The following ARHGEF4 variants were observed in gnomAD, a reference collection of about 807,000 sequenced individuals.
ARHGEF4 encodes the protein Rho guanine nucleotide exchange factor 4.
A neutral mutation model predicts 162.0 loss-of-function variants in ARHGEF4; 119 were observed. That is an observed-to-expected ratio of 0.73 (90% confidence interval 0.63 to 0.86). The LOEUF is 0.86. Ranked by LOEUF, ARHGEF4 falls within the 40% of genes least tolerant of loss-of-function variation. ARHGEF4 has a pLI of 0.00. For synonymous variants in ARHGEF4, 1,014 were observed against 979.9 expected (o/e 1.03, Z -0.65); for missense variants, 2,488 against 2,456.0 (o/e 1.01, Z -0.28).
intron 1 of ARHGEF4, among the ~76,000 whole-genome samples, chr2:130,842,657 G>A (rs1178168090): frequency 3.3e-5 from 5 of 152,222 alleles, no homozygotes; most frequent in Non-Finnish European, 7.3e-5. Context: ...CATGCAGGCA[G>A]TGAGATACTG....
At chr2:130,848,926 G>A (rs1237592933) in intron 1 of ARHGEF4, among the ~76,000 whole-genome samples, 1 of 152,100 alleles carries the variant, frequency 6.6e-6, no homozygotes, top group African/African-American at 2.4e-5. Context: ...TGGGAGCTGC[G>A]CCTTGGAGAG....
intron 3 of ARHGEF4, 114 bp from the exon 4 acceptor site, chr2:130,946,395 G>A: frequency 7.5e-7 from 1 of 1,340,930 alleles, no homozygotes; most frequent in South Asian, 1.4e-5. Context: ...TATTTTGGTT[G>A]TGTGCTCTGT....
At chr2:130,853,253 G>A (rs1210473923) in intron 1 of ARHGEF4, among the ~76,000 whole-genome samples, 2 of 152,182 alleles carry the variant, frequency 1.3e-5, no homozygotes, top group Admixed American at 6.5e-5. Flanking sequence ...GGATCCTGAT[G>A]GTAGAAAATT....
intron 10 of ARHGEF4, 74 bp from the exon 11 acceptor site, chr2:131,043,378 C>A (rs1690972936): frequency 2.5e-6 from 4 of 1,594,354 alleles, no homozygotes; most frequent in African/African-American, 1.3e-5. Context: ...GCGCCACCCA[C>A]CCATGATGGG....
chr2:130,974,220 C>T (rs575264737), intron 4 of ARHGEF4, among the ~76,000 whole-genome samples: 10 of 149,532 alleles, frequency 6.7e-5, no homozygotes, highest in Middle Eastern at 6.9e-3. Flanking sequence ...TACAGTGAGC[C>T]GAGATCACAC....
chr2:130,982,906 A>C (rs1686228968), intron 4 of ARHGEF4, among the ~76,000 whole-genome samples: 1 of 152,202 alleles, frequency 6.6e-6, no homozygotes, highest in African/African-American at 2.4e-5. Flanking sequence ...AATTACTATT[A>C]ACTATAATTC....
chr2:130,916,066 T>C lies in ARHGEF4; in HGVS notation c.2120T>C (p.Val707Ala). ...QGAGDGALQR[V>A]AQAAELGRVL... ...GCTGGCGATGGGGCTCTTCAGCGGG[T>C]GGCCCAGGCCGCAGAGCTTGGGAGA... The change falls in exon 2 of 14, where the codon GTG becomes GCG. Residue 707 changes from valine (V) to alanine (A), a missense_variant. Around this residue, in one of 6 missense-constraint regions of ARHGEF4, gnomAD observed 1,642 missense variants for 1,481.5 expected, o/e 1.11. Transcript: ENST00000409359. 1 of 1,550,058 alleles carries C rather than the reference T, an allele frequency of 6.5e-7. No individual in the cohort carries two copies. Among genetic ancestry groups the C allele is most frequent in the Non-Finnish European group, 8.7e-7 (1 of 1,146,856 alleles).
intron 1 of ARHGEF4, among the ~76,000 whole-genome samples, chr2:130,913,139 T>C (rs1405902667): frequency 6.6e-6 from 1 of 151,210 alleles, no homozygotes; most frequent in Non-Finnish European, 1.5e-5. Flanking sequence ...ACTGTATAAT[T>C]TGTTTATCTG....
chr2:130,878,504 C>G (rs1345436081), intron 1 of ARHGEF4, among the ~76,000 whole-genome samples: 1 of 152,204 alleles, frequency 6.6e-6, no homozygotes, highest in Non-Finnish European at 1.5e-5. Flanking sequence ...GTTTGTATCA[C>G]AGCTGAGGAC....
rs187905881 is a variant in ARHGEF4 at position 130,987,545 on chromosome 2, G to A, written c.3986-40400G>A. Among the ~76,000 whole-genome samples, 160 of 152,264 alleles carry A rather than the reference G, an allele frequency of 1.1e-3. 1 individual carries two copies. Among genetic ancestry groups the A allele is most frequent in the Non-Finnish European group, 1.7e-3 (113 of 68,024 alleles). On this transcript the variant is annotated intron_variant, in intron 4 of 13. Transcript: ENST00000409359. ...GCCCATGTTCTGTTTCTGTCCTATC[G>A]GAGTGCCCTTTTTTCAATCCTCCCC...
chr2:130,899,779 A>AATCAAC (rs1680381200), intron 1 of ARHGEF4, among the ~76,000 whole-genome samples: 2 of 152,118 alleles, frequency 1.3e-5, no homozygotes, highest in South Asian at 4.1e-4. Flanking sequence ...ATTGGAATCC[A>AATCAAC]AGGGGGTGGG....
At chr2:130,944,631 C>G (rs1036144092) in intron 3 of ARHGEF4, among the ~76,000 whole-genome samples, 14 of 151,914 alleles carry the variant, frequency 9.2e-5, no homozygotes, top group Non-Finnish European at 1.8e-4. Flanking sequence ...ATCTATTTAT[C>G]TGCTATTATT....
intron 1 of ARHGEF4, among the ~76,000 whole-genome samples, chr2:130,846,066 C>T (rs1680939676): frequency 6.6e-6 from 1 of 152,184 alleles, no homozygotes; most frequent in Non-Finnish European, 1.5e-5. Context: ...CAAGCCAGGC[C>T]CACCTCGGCC....
At chr2:130,847,957 G>A (rs971203749) in intron 1 of ARHGEF4, among the ~76,000 whole-genome samples, 1 of 151,856 alleles carries the variant, frequency 6.6e-6, no homozygotes, top group Non-Finnish European at 1.5e-5. Context: ...CCGCTGGGCT[G>A]GGGTCTGTCT....
intron 4 of ARHGEF4, among the ~76,000 whole-genome samples, chr2:131,026,774 C>T (rs1689499176): frequency 6.6e-6 from 1 of 152,152 alleles, no homozygotes; most frequent in African/African-American, 2.4e-5. Context: ...AGGGATGGAA[C>T]ATTCTTGCGC....
At chr2:130,980,503 G>GT (rs1170861269) in intron 4 of ARHGEF4, among the ~76,000 whole-genome samples, 1 of 151,966 alleles carries the variant, frequency 6.6e-6, no homozygotes, top group Non-Finnish European at 1.5e-5. Flanking sequence ...TGGAAATTTA[G>GT]TATGAGAAGT....
intron 1 of ARHGEF4, among the ~76,000 whole-genome samples, chr2:130,853,607 C>T (rs531503751): frequency 3.5e-4 from 53 of 152,304 alleles, no homozygotes; most frequent in African/African-American, 1.1e-3. Context: ...GTGGGCTGTC[C>T]GTGGTCCTGG....
rs1002141834 is a variant in ARHGEF4 at position 130,847,641 on chromosome 2, G to A, written c.39+10649G>A. ...TCCACCCCAACGCTTGGCTCCGAGG[G>A]CCTGACCCCCTGAAGCAGGGGCACA... On this transcript the variant is annotated intron_variant, in intron 1 of 13. Coordinates refer to ENST00000409359, the MANE Select transcript of ARHGEF4 (RefSeq NM_001367493.1). Among the ~76,000 whole-genome samples, 72 of 152,310 alleles carry A rather than the reference G, an allele frequency of 4.7e-4. 1 individual carries two copies. The highest frequency in any genetic ancestry group is 1.7e-3 in the African/African-American group (72 of 41,562).
chr2:130,999,878 A>T (rs1324885705), intron 4 of ARHGEF4, among the ~76,000 whole-genome samples: 2 of 151,972 alleles, frequency 1.3e-5, no homozygotes, highest in African/African-American at 4.8e-5. Flanking sequence ...CACCTGGCTA[A>T]TGTTTGTATT....
Sources: gnomAD v4.1 joint callset for allele counts (sites outside exome capture counted in the v4.1 genomes callset) on GRCh38, gnomAD v4.1.1 for gene constraint, gnomAD v4.1.1 regional missense constraint, MANE v1.5 for transcripts, NCBI Gene and HGNC (gene_info 2026-07-23, HGNC 2026-07-21) for gene names.